Variants in BTBD3 observed in about 807,000 individuals in gnomAD.
BTBD3 encodes the protein BTB domain containing 3, also known as BTB/POZ domain-containing protein 3.
A neutral mutation model predicts 41.6 loss-of-function variants in BTBD3; 14 were observed. That is an observed-to-expected ratio of 0.34 (90% CI 0.22 to 0.53). The LOEUF (loss-of-function observed/expected upper bound fraction) is 0.53, where lower values mean the gene tolerates loss of function less well. Ranked by LOEUF, BTBD3 falls within the 20% of genes least tolerant of loss-of-function variation. BTBD3 has a pLI of 0.95. For missense variants in BTBD3, 426 were observed against 654.7 expected, an observed-to-expected ratio of 0.65 and a Z score of 3.81; for synonymous variants, 249 against 233.7, an observed-to-expected ratio of 1.07 and a Z score of -0.60.
At position 11,918,083 on chromosome 20, in the gene BTBD3, G is replaced by T. The variant is rs1344104626; in HGVS notation, c.-193G>T. On this transcript the variant is annotated 5_prime_UTR_variant, in exon 1 of 4. Coordinates refer to ENST00000378226, the MANE Select transcript of BTBD3 (RefSeq NM_014962.4). ...AATCATGATGGGGATATATTTAACA[G>T]ACCCAGTACTGGATAAAACTTAAAG... 7.2e-7 allele frequency: 1 copy of T among 1,391,334 alleles called. No individual in the cohort carries two copies. Among genetic ancestry groups the T allele is most frequent in the East Asian group, 2.5e-5 (1 of 39,230 alleles). 86.2% of individuals were successfully genotyped at this position (1,391,334 alleles called of 1,614,324 possible).
chr20:11,919,953 G>A (rs1341358838), intron 3 of BTBD3, 117 bp downstream of exon 3: 1 of 874,870 alleles, frequency 1.1e-6, no homozygotes. Context: ...AAGAAAGAGG[G>A]TGCTGCTTAC....
Position 11,922,917 on chromosome 20 carries a change from C to T in BTBD3, c.820C>T (p.Arg274Cys), listed in dbSNP as rs560899008. The change falls in exon 4 of 4, where the codon CGT becomes TGT. Residue 274 changes from arginine to cysteine, a missense_variant. Around this residue, in one of 3 missense-constraint regions of BTBD3, gnomAD observed 321 missense variants for 534.8 expected, o/e 0.60. Coordinates refer to ENST00000378226, the MANE Select transcript of BTBD3 (RefSeq NM_014962.4). ...CTTCCAGACACTAGAAAGTATTCTCCGTAGGGAAACTCTGAATGCCAAAGA... is the reference window on the plus strand; with the variant it reads ...CTTCCAGACACTAGAAAGTATTCTCTGTAGGGAAACTCTGAATGCCAAAGA... ...IDFQTLESIL[R>C]RETLNAKEIV... 1.1e-4 allele frequency: 180 copies of T among 1,614,208 alleles called. 1 individual carries two copies. The South Asian group carries it at 1.4e-3, about 12-fold the overall frequency.
upstream of BTBD3, chr20:11,917,835 C>A: frequency 2.5e-6 from 2 of 794,468 alleles, no homozygotes; most frequent in Non-Finnish European, 3.1e-6. Flanking sequence ...TGGCTCGGAG[C>A]ACTGGCTGTC....
chr20:11,892,088 A>T (rs1053061629), intron 1 of BTBD3, among the ~76,000 whole-genome samples: 11 of 152,230 alleles, frequency 7.2e-5, no homozygotes, highest in Non-Finnish European at 1.5e-4. Flanking sequence ...AATTGGTGAG[A>T]TGAAACTCAA....
intron 1 of BTBD3, among the ~76,000 whole-genome samples, chr20:11,896,459 T>G (rs2122170321): frequency 6.6e-6 from 1 of 152,346 alleles, no homozygotes; most frequent in Non-Finnish European, 1.5e-5. Flanking sequence ...TTATTTTGGT[T>G]CTGTGGCGGT....
chr20:11,900,856 C>T (rs1475304851), intron 1 of BTBD3, among the ~76,000 whole-genome samples: 3 of 151,818 alleles, frequency 2.0e-5, no homozygotes, highest in South Asian at 2.1e-4. Flanking sequence ...TATAGGTGCC[C>T]GCCACCATGC....
chr20:11,891,044 G>T (rs1030548155), intron 1 of BTBD3: 2 of 890,276 alleles, frequency 2.2e-6, no homozygotes, highest in African/African-American at 3.6e-5. Context: ...CCCTGCGGCC[G>T]GCCGGAGGGG....
chr20:11,902,710 C>T (rs563698885), intron 1 of BTBD3, among the ~76,000 whole-genome samples: 1 of 152,200 alleles, frequency 6.6e-6, no homozygotes, highest in East Asian at 1.9e-4. Context: ...TAATTTTATG[C>T]CTTTATGATT....
Position 11,921,854 on chromosome 20 carries a change from G to A in BTBD3, c.537-780G>A, listed in dbSNP as rs760609627. 4.4e-4 allele frequency among the ~76,000 whole-genome samples: 67 copies of A among 152,142 alleles called. 1 individual carries two copies. The highest frequency in any genetic ancestry group is 4.3e-4 in the Non-Finnish European group (29 of 68,026). The stretch of plus-strand genomic sequence containing the variant: ...AGAAGCAGATGATGACTACCTTTAC[G>A]TGCCTCTTTGGGAGACTGCCACTGT... On this transcript the variant is annotated intron_variant, in intron 3 of 3. Transcript: ENST00000378226.
At chr20:11,915,832 C>T (rs944455415), upstream of BTBD3, among the ~76,000 whole-genome samples, 1 of 152,156 alleles carries the variant, frequency 6.6e-6, no homozygotes, top group Non-Finnish European at 1.5e-5. Context: ...TTCTAAATAA[C>T]TGATATCTGT....
At chr20:11,898,152 A>G (rs2056799792) in intron 1 of BTBD3, among the ~76,000 whole-genome samples, 1 of 152,078 alleles carries the variant, frequency 6.6e-6, no homozygotes. Context: ...ACAGAGTGAG[A>G]TTCTGTCTAC....
At chr20:11,913,693 G>A (rs969793258), upstream of BTBD3, 1 of 152,108 alleles carries the variant, frequency 6.6e-6, no homozygotes, top group African/African-American at 2.4e-5. Flanking sequence ...AAAAAGAGTT[G>A]CATTAAATGA....
At chr20:11,910,235 C>T (rs994193996) in intron 1 of BTBD3, 1 of 147,840 alleles carries the variant, frequency 6.8e-6, no homozygotes. Flanking sequence ...GAAAAAAAAA[C>T]AAAAAAAACT....
chr20:11,897,512 A>G (rs1405660676), intron 1 of BTBD3, among the ~76,000 whole-genome samples: 1 of 148,808 alleles, frequency 6.7e-6, no homozygotes, highest in East Asian at 2.0e-4. Context: ...AAAAAAAAGA[A>G]CATGGAATCC....
intron 1 of BTBD3, among the ~76,000 whole-genome samples, chr20:11,897,786 G>A (rs2056796859): frequency 6.6e-6 from 1 of 152,084 alleles, no homozygotes; most frequent in African/African-American, 2.4e-5. Context: ...AAAAACATAA[G>A]TCAAATTGTG....
At chr20:11,918,812 G>A in intron 1 of BTBD3, 3 of 599,624 alleles carry the variant, frequency 5.0e-6, no homozygotes, top group Non-Finnish European at 8.4e-6. Flanking sequence ...TAACATTCAA[G>A]TGACAGGGTT....
intron 3 of BTBD3, among the ~76,000 whole-genome samples, chr20:11,920,346 T>C (rs2056959205): frequency 6.6e-6 from 1 of 152,196 alleles, no homozygotes; most frequent in Admixed American, 6.5e-5. Flanking sequence ...TACATATACA[T>C]ACTCATATAA....
At position 11,923,385 on chromosome 20, in the gene BTBD3, C is replaced by T. The variant is rs200814391; in HGVS notation, c.1288C>T (p.Arg430Trp). The T allele has an allele frequency of 2.3e-5, 37 of 1,614,198 alleles. No individual in the cohort carries two copies. The highest frequency in any genetic ancestry group is 4.5e-5 in the East Asian group (2 of 44,878). The change falls in exon 4 of 4, where the codon CGG (arginine) becomes TGG (tryptophan). Residue 430 changes from arginine (R) to tryptophan (W), a missense_variant. Transcript: ENST00000378226. The surrounding 1 kb of genome is among the most constrained non-coding windows in gnomAD (Gnocchi z 5.3). ...ATACAGTGCCAAGATTGAACTTAAG[C>T]GGCAGGGCGTTGTCCTGGGGCAGAA... ...AEYSAKIELKRQGVVLGQNLS... is the reference protein window; with the variant it reads ...AEYSAKIELKWQGVVLGQNLS...
At chr20:11,900,503 GT>G (rs958457818) in intron 1 of BTBD3, among the ~76,000 whole-genome samples, 2 of 151,528 alleles carry the variant, frequency 1.3e-5, no homozygotes, top group Admixed American at 6.6e-5. Context: ...CTACTAATCT[GT>G]TTTTTTTGAA....
Sources: gnomAD v4.1 joint callset for allele counts (sites outside exome capture counted in the v4.1 genomes callset) on GRCh38, gnomAD v4.1.1 for gene constraint, gnomAD v4.1.1 regional missense constraint, Gnocchi (gnomAD v3.1) non-coding constraint, MANE v1.5 for transcripts, NCBI Gene and HGNC (gene_info 2026-07-23, HGNC 2026-07-21) for gene names.